Variants in RASEF observed in about 807,000 individuals in gnomAD.
The protein encoded by RASEF is RAS and EF-hand domain containing.
Under a neutral mutation model 90.1 loss-of-function variants are expected in RASEF, and 68 were observed. That is an observed-to-expected ratio of 0.75 (90% CI 0.62 to 0.92). RASEF has a LOEUF of 0.92. RASEF is among the 40% of genes least tolerant of loss of function. RASEF has a pLI of 0.00. For synonymous variants in RASEF, 331 were observed against 345.2 expected (o/e 0.96, Z 0.46); for missense variants, 949 against 937.2 (o/e 1.01, Z -0.16).
upstream of RASEF, among the ~76,000 whole-genome samples, chr9:83,064,574 A>C (rs1487032937): frequency 6.6e-6 from 1 of 152,230 alleles, no homozygotes; most frequent in African/African-American, 2.4e-5. Flanking sequence ...TACTGTTAGC[A>C]ACTAATGGAT....
At chr9:83,147,821 G>A in the RASEF span, among the ~76,000 whole-genome samples, 4 of 152,092 alleles carry the variant, frequency 2.6e-5, no homozygotes, top group Admixed American at 6.5e-5. Context: ...TGGAGGGGGA[G>A]CTGGAAAGGG....
chr9:83,118,696 C>A, the RASEF span, among the ~76,000 whole-genome samples: 1 of 152,048 alleles, frequency 6.6e-6, no homozygotes, highest in African/African-American at 2.4e-5. Context: ...CATATAGTTT[C>A]TTATGGGAGA....
chr9:83,093,182 T>G, the RASEF span, among the ~76,000 whole-genome samples: 2 of 152,190 alleles, frequency 1.3e-5, no homozygotes. Context: ...ATCCTTGAGC[T>G]AGACATAAAG....
At chr9:83,192,547 G>T in the RASEF span, among the ~76,000 whole-genome samples, 1 of 152,100 alleles carries the variant, frequency 6.6e-6, no homozygotes, top group African/African-American at 2.4e-5. Flanking sequence ...AGACACTGTG[G>T]CCTACCAGAC....
At chr9:83,108,961 A>C in the RASEF span, among the ~76,000 whole-genome samples, 1 of 152,232 alleles carries the variant, frequency 6.6e-6, no homozygotes, top group African/African-American at 2.4e-5. Flanking sequence ...AACCAAGAGC[A>C]CCAGAAGTGA....
At chr9:82,988,154 G>A (rs1221433681) in intron 16 of RASEF, among the ~76,000 whole-genome samples, 1 of 152,178 alleles carries the variant, frequency 6.6e-6, no homozygotes, top group Non-Finnish European at 1.5e-5. Context: ...GTAAAAACCT[G>A]ACAATCCAAC....
chr9:83,152,727 G>GACAC, the RASEF span, among the ~76,000 whole-genome samples: 1 of 109,298 alleles, frequency 9.1e-6, no homozygotes, highest in Admixed American at 1.0e-4. Context: ...TGTGCGCACA[G>GACAC]ACACACATAC....
chr9:83,096,182 G>T, the RASEF span, among the ~76,000 whole-genome samples: 1 of 152,036 alleles, frequency 6.6e-6, no homozygotes, highest in Admixed American at 6.6e-5. Flanking sequence ...CAGTCACATT[G>T]TGCCTTGTCC....
chr9:83,062,768 G>A lies in RASEF; in HGVS notation c.100C>T (p.Arg34Trp), dbSNP rs1830237668. Residue 34 changes from arginine (R) to tryptophan (W), a missense_variant, in exon 1 of 17, where the codon CGG (arginine) becomes TGG (tryptophan). Around this residue, in one of 3 missense-constraint regions of RASEF, gnomAD observed 656 missense variants for 592.2 expected, o/e 1.11. Coordinates refer to ENST00000376447, the MANE Select transcript of RASEF (RefSeq NM_152573.4). ...ACCCGCAGCTCCGTGCACAGTGCCC[G>A]GAACTCCTCGCGCTCCAGGCGCCCC... ...RSGRLEREEF[R>W]ALCTELRVRP... 5 of 1,560,596 alleles carry A rather than the reference G, an allele frequency of 3.2e-6. No individual in the cohort carries two copies. Among genetic ancestry groups the A allele is most frequent in the African/African-American group, 2.7e-5 (2 of 72,920 alleles).
At chr9:83,215,824 G>A in the RASEF span, among the ~76,000 whole-genome samples, 2 of 152,234 alleles carry the variant, frequency 1.3e-5, no homozygotes, top group South Asian at 2.1e-4. Context: ...GACTTCTAGG[G>A]CTCAGAAGAC....
At chr9:83,105,074 G>A in the RASEF span, among the ~76,000 whole-genome samples, 1 of 152,156 alleles carries the variant, frequency 6.6e-6, no homozygotes, top group Non-Finnish European at 1.5e-5. Context: ...AATTTTCATT[G>A]TTAACTGGGA....
the RASEF span, among the ~76,000 whole-genome samples, chr9:83,159,699 A>T: frequency 6.6e-6 from 1 of 152,196 alleles, no homozygotes; most frequent in Non-Finnish European, 1.5e-5. Flanking sequence ...ATTTGAAAAA[A>T]TTTTCAAAAT....
chr9:83,093,228 T>TA, the RASEF span, among the ~76,000 whole-genome samples: 1 of 152,218 alleles, frequency 6.6e-6, no homozygotes, highest in Non-Finnish European at 1.5e-5. Flanking sequence ...GGAGGCCAGC[T>TA]GGCTTCACCC....
chr9:82,986,060 A>G (rs1828704668), intron 16 of RASEF, among the ~76,000 whole-genome samples: 2 of 152,182 alleles, frequency 1.3e-5, no homozygotes, highest in Admixed American at 1.3e-4. Context: ...ATGGTTCCAG[A>G]AGCTGTGTGG....
At chr9:83,158,981 T>C in the RASEF span, among the ~76,000 whole-genome samples, 1 of 151,560 alleles carries the variant, frequency 6.6e-6, no homozygotes, top group Non-Finnish European at 1.5e-5. Context: ...GGTCAGGAGA[T>C]CGAGACCATC....
At chr9:82,987,948 G>C (rs1336692176) in intron 16 of RASEF, among the ~76,000 whole-genome samples, 1 of 152,160 alleles carries the variant, frequency 6.6e-6, no homozygotes, top group African/African-American at 2.4e-5. Flanking sequence ...CACATGCAAG[G>C]CTTGATCTGC....
intron 1 of RASEF, among the ~76,000 whole-genome samples, chr9:83,040,636 T>C (rs574974771): frequency 5.3e-5 from 8 of 152,226 alleles, no homozygotes; most frequent in Non-Finnish European, 7.3e-5. Context: ...CAATAGCAAA[T>C]ATATTTCCTG....
chr9:83,024,196 G>A (rs1829495829), intron 2 of RASEF, among the ~76,000 whole-genome samples: 2 of 152,204 alleles, frequency 1.3e-5, no homozygotes, highest in African/African-American at 4.8e-5. Context: ...TCAGCATAGA[G>A]GCTGGCTCTG....
the RASEF span, among the ~76,000 whole-genome samples, chr9:83,119,531 A>C: frequency 1.3e-5 from 2 of 152,156 alleles, no homozygotes; most frequent in African/African-American, 2.4e-5. Context: ...TCTGGTCTGA[A>C]GACTTCCCCT....
Sources: allele counts gnomAD v4.1 joint callset (sites outside exome capture counted in the v4.1 genomes callset), GRCh38; gene constraint gnomAD v4.1.1; regional missense constraint gnomAD v4.1.1; transcripts MANE v1.5; gene names NCBI Gene and HGNC (gene_info 2026-07-23, HGNC 2026-07-21).